DPP6: variants seen among roughly 807,000 people sequenced by gnomAD.
DPP6 encodes the protein dipeptidyl peptidase like 6.
A neutral mutation model predicts 122.6 loss-of-function variants in DPP6; 69 were observed. The observed-to-expected ratio is 0.56, with a 90% CI of 0.46 to 0.69. DPP6 has a LOEUF of 0.69. Among genes scored for constraint, DPP6 ranks in the 30% least tolerant of loss-of-function variants. DPP6 has a pLI of 0.00. For missense variants in DPP6, 928 were observed against 1,116.9 expected (o/e 0.83, Z 2.41); for synonymous variants, 418 against 433.1 (o/e 0.97, Z 0.43).
intron 1 of DPP6, among the ~76,000 whole-genome samples, chr7:154,011,013 A>G (rs1324647790): frequency 6.6e-6 from 1 of 152,232 alleles, no homozygotes; most frequent in Non-Finnish European, 1.5e-5. Flanking sequence ...CACCTAGCGT[A>G]GGTCTCCAAT....
chr7:153,863,540 C>A, the DPP6 span, among the ~76,000 whole-genome samples: 3 of 152,108 alleles, frequency 2.0e-5, no homozygotes, highest in African/African-American at 7.2e-5. Context: ...TATAATCATC[C>A]AGCCTGAGCA....
At chr7:154,092,122 G>A (rs144468911) in intron 1 of DPP6, 33 of 152,112 alleles carry the variant, frequency 2.2e-4, no homozygotes, top group Non-Finnish European at 4.0e-4. Context: ...TGTTTATTTA[G>A]GTGGAATTTT....
intron 1 of DPP6, among the ~76,000 whole-genome samples, chr7:153,946,664 A>G (rs368222107): frequency 7.9e-5 from 12 of 152,206 alleles, no homozygotes; most frequent in East Asian, 7.7e-4. Context: ...CCCAGCCCCT[A>G]TTCAAGATGG....
intron 4 of DPP6, among the ~76,000 whole-genome samples, chr7:154,561,963 T>G (rs1305094152): frequency 6.6e-6 from 1 of 152,134 alleles, no homozygotes; most frequent in Non-Finnish European, 1.5e-5. Flanking sequence ...GCCCCACATA[T>G]TAAAACTCAA....
upstream of DPP6, among the ~76,000 whole-genome samples, chr7:153,883,505 G>A (rs181788826): frequency 4.1e-4 from 63 of 152,164 alleles, no homozygotes; most frequent in Middle Eastern, 3.4e-3. Context: ...TCAGCCTCCT[G>A]AGTAGCTTGG....
intron 1 of DPP6, among the ~76,000 whole-genome samples, chr7:153,892,075 C>T (rs1173019818): frequency 6.6e-6 from 1 of 152,184 alleles, no homozygotes; most frequent in Non-Finnish European, 1.5e-5. Flanking sequence ...TATGGCATGA[C>T]GAGCCTAGGA....
At chr7:154,055,986 G>A (rs895514704) in intron 1 of DPP6, 1 of 152,164 alleles carries the variant, frequency 6.6e-6, no homozygotes, top group Non-Finnish European at 1.5e-5. Context: ...ACATGCCTGA[G>A]CATGACTGAG....
chr7:154,026,919 G>A (rs1241847444), intron 1 of DPP6: 1 of 150,124 alleles, frequency 6.7e-6, no homozygotes, highest in Admixed American at 6.7e-5. Context: ...AAACAAATGA[G>A]ATACCTCTTC....
chr7:154,107,404 C>A (rs978683672), intron 1 of DPP6, among the ~76,000 whole-genome samples: 5 of 152,120 alleles, frequency 3.3e-5, no homozygotes, highest in Non-Finnish European at 7.3e-5. Context: ...GAGGCAGAGA[C>A]TAGCTCAGGG....
At chr7:153,933,470 C>T (rs1563022104) in intron 1 of DPP6, among the ~76,000 whole-genome samples, 1 of 152,142 alleles carries the variant, frequency 6.6e-6, no homozygotes, top group Non-Finnish European at 1.5e-5. Flanking sequence ...TATTCTGTGT[C>T]TTTATCAACA....
At chr7:154,459,805 C>CAAAAAAA (rs775605275) in intron 2 of DPP6, among the ~76,000 whole-genome samples, 39 of 62,954 alleles carry the variant, frequency 6.2e-4, no homozygotes, top group Middle Eastern at 0.011. Flanking sequence ...GATTCCATCT[C>CAAAAAAA]AAAAAAAAAA....
At chr7:153,902,312 G>T (rs936739306) in intron 1 of DPP6, among the ~76,000 whole-genome samples, 2 of 152,172 alleles carry the variant, frequency 1.3e-5, no homozygotes, top group Non-Finnish European at 2.9e-5. Context: ...TTTATTTAGA[G>T]GGGGGAAAAG....
intron 5 of DPP6, among the ~76,000 whole-genome samples, chr7:154,586,351 C>T (rs763306988): frequency 1.1e-4 from 17 of 152,088 alleles, no homozygotes; most frequent in South Asian, 6.2e-4. Context: ...TCCTACCTGC[C>T]GGCCTCAGCT....
At chr7:154,291,269 T>C (rs1805193710) in intron 1 of DPP6, among the ~76,000 whole-genome samples, 1 of 152,062 alleles carries the variant, frequency 6.6e-6, no homozygotes, top group Non-Finnish European at 1.5e-5. Flanking sequence ...GCCTCTGAGT[T>C]TGCATGAACC....
chr7:153,946,711 C>T (rs1393000361), intron 1 of DPP6, among the ~76,000 whole-genome samples: 1 of 152,058 alleles, frequency 6.6e-6, no homozygotes, highest in Non-Finnish European at 1.5e-5. Flanking sequence ...CATAGCTGAG[C>T]ATTAAGTACC....
intron 1 of DPP6, among the ~76,000 whole-genome samples, chr7:154,361,856 T>A (rs36112158): frequency 0.079 from 12,044 of 152,260 alleles, 628 homozygotes; most frequent in African/African-American, 0.13. Flanking sequence ...GAAGAAGTAG[T>A]AGGTAACTTG....
At chr7:154,278,909 G>A (rs1804313981) in intron 1 of DPP6, among the ~76,000 whole-genome samples, 1 of 151,632 alleles carries the variant, frequency 6.6e-6, no homozygotes, top group Admixed American at 6.6e-5. Context: ...GTGTGCAATT[G>A]CATGTGTATG....
At chr7:154,049,147 G>A (rs1322852602), upstream of DPP6, among the ~76,000 whole-genome samples, 5 of 151,238 alleles carry the variant, frequency 3.3e-5, no homozygotes, top group Non-Finnish European at 4.4e-5. Context: ...CCAATAAGTA[G>A]GAATAAAAAT....
chr7:154,738,405 G>A (rs1462319467), intron 8 of DPP6, among the ~76,000 whole-genome samples: 3 of 152,128 alleles, frequency 2.0e-5, no homozygotes, highest in Non-Finnish European at 4.4e-5. Flanking sequence ...GTGACCAGTC[G>A]GTTTGCTATT....
Sources: allele counts gnomAD v4.1 joint callset (sites outside exome capture counted in the v4.1 genomes callset), GRCh38; gene constraint gnomAD v4.1.1; transcripts MANE v1.5; gene names NCBI Gene and HGNC (gene_info 2026-07-23, HGNC 2026-07-21).